Variants in PTPN14 observed in about 807,000 individuals in gnomAD.
PTPN14 encodes the protein protein tyrosine phosphatase non-receptor type 14.
In PTPN14, 53 loss-of-function variants were observed where a neutral mutation model predicts 126.8. That is an observed-to-expected ratio of 0.42 (90% CI 0.34 to 0.53). The LOEUF (loss-of-function observed/expected upper bound fraction) is 0.53. Ranked by LOEUF, PTPN14 falls within the 20% of genes least tolerant of loss-of-function variation. The pLI, the probability that PTPN14 is intolerant of heterozygous loss-of-function variation, is 0.08. For synonymous variants in PTPN14, 630 were observed against 599.3 expected (o/e 1.05, Z -0.75); for missense variants, 1,257 against 1,552.9 (o/e 0.81, Z 3.20).
rs1433113255 is a variant in PTPN14, at chr1:214,369,632, T to C, written c.3096A>G (p.Ser1032=). The change falls in exon 17 of 19, where the codon TCA becomes TCG. Residue 1032 remains serine (S), a synonymous_variant. Transcript: ENST00000366956. ...TGACCTTGAACTTGCCATAGGTGGC[T>C]GAGCTGTGCTTTGAACCTAGTTTGG... The part of the protein sequence containing the change: ...YWPKLGSKHS[S]ATYGKFKVTT... 1.9e-6 allele frequency: 3 copies of C among 1,614,232 alleles called. No homozygotes were observed. In the East Asian group the frequency reaches 6.7e-5, roughly 36 times the overall value.
rs538397312 is a variant in PTPN14 at position 214,479,268 on chromosome 1, G to A, written c.-154-14311C>T. The stretch of plus-strand genomic sequence containing the variant: ...AGGCTGAGGCAGGAGGATTGCTTGA[G>A]CCTAGGAGTTCAAGGCTGCAGTGAG... On this transcript the variant is annotated intron_variant, in intron 1 of 18. Transcript: ENST00000366956. Among the ~76,000 whole-genome samples the A allele has an allele frequency of 6.0e-4, 92 of 152,176 alleles. 1 individual carries two copies. Among genetic ancestry groups the A allele is most frequent in the East Asian group, 1.9e-3 (10 of 5,182 alleles).
intron 7 of PTPN14, among the ~76,000 whole-genome samples, chr1:214,401,256 T>C (rs1659009053): frequency 1.3e-5 from 2 of 152,290 alleles, no homozygotes; most frequent in South Asian, 2.1e-4. Flanking sequence ...TAAAGCATGA[T>C]TGTATACAAG....
chr1:214,360,352 T>C (rs1346838441), intron 18 of PTPN14, among the ~76,000 whole-genome samples: 2 of 151,964 alleles, frequency 1.3e-5, no homozygotes, highest in Non-Finnish European at 2.9e-5. Flanking sequence ...ATCACAGTGG[T>C]GCAAAGGGAC....
At chr1:214,451,009 T>C (rs180926052) in intron 3 of PTPN14, among the ~76,000 whole-genome samples, 133 of 152,348 alleles carry the variant, frequency 8.7e-4, no homozygotes, top group African/African-American at 3.2e-3. Context: ...TCAAAACTCC[T>C]GCTCTCGCAA....
chr1:214,456,880 CT>C (rs1660395149), intron 2 of PTPN14, among the ~76,000 whole-genome samples: 1 of 152,188 alleles, frequency 6.6e-6, no homozygotes, highest in Non-Finnish European at 1.5e-5. Flanking sequence ...CCCCAGCAGT[CT>C]ACTCTTCAGT....
intron 3 of PTPN14, among the ~76,000 whole-genome samples, chr1:214,437,487 A>G (rs535788164): frequency 6.6e-6 from 1 of 152,180 alleles, no homozygotes; most frequent in Non-Finnish European, 1.5e-5. Flanking sequence ...ATAGTATTTA[A>G]TATATCCCCT....
chr1:214,367,104 G>A (rs1658100007), intron 17 of PTPN14, among the ~76,000 whole-genome samples: 1 of 152,100 alleles, frequency 6.6e-6, no homozygotes, highest in Non-Finnish European at 1.5e-5. Flanking sequence ...CATCAGAGCT[G>A]TTAGCCAATC....
Position 214,411,708 on chromosome 1 carries a change from G to T in PTPN14, c.486C>A (p.Leu162=). 6.6e-7 allele frequency: 1 copy of T among 1,511,854 alleles called. No individual in the cohort carries two copies. The highest frequency in any genetic ancestry group is 2.3e-5 in the East Asian group (1 of 43,236). The allele number at this position is 1,511,854 out of a possible 1,614,324, so 93.7% of individuals were successfully genotyped here. A position where few individuals can be genotyped will look rare whatever the true frequency, so the allele number is the denominator to read the frequency against. Residue 162 remains leucine, a synonymous_variant, in exon 5 of 19, where the codon CTC becomes CTA. Coordinates refer to ENST00000366956, the MANE Select transcript of PTPN14 (RefSeq NM_005401.5). ...CCATAGGAAATAGCACATACTCTCT[G>T]AGGAAATCTTGAGAATCAAACTGAT... ...DYNQFDSQDF[L]REYVLFPMDL...
intron 1 of PTPN14, chr1:214,482,833 C>T: frequency 1.9e-6 from 3 of 1,607,828 alleles, no homozygotes; most frequent in Non-Finnish European, 2.6e-6. Context: ...AGGTTTGGCA[C>T]TTTTATACTG....
rs541867431 is a variant in PTPN14 at position 214,380,784 on chromosome 1, G to C, written c.2544+2527C>G. Reference sequence around the variant, plus strand: ...AGAGCAGAGAAGTATCTGACCTGTGGGGATGTTGCTTAGGCTATGGGGTGA... The same window carrying C: ...AGAGCAGAGAAGTATCTGACCTGTGCGGATGTTGCTTAGGCTATGGGGTGA... On this transcript the variant is annotated intron_variant, in intron 13 of 18. Transcript: ENST00000366956. Among the ~76,000 whole-genome samples the C allele has an allele frequency of 5.1e-4, 77 of 152,310 alleles. 3 individuals are homozygous for C. In the South Asian group the frequency reaches 0.016, roughly 31 times the overall value.
chr1:214,537,015 T>G (rs370073814), intron 1 of PTPN14, among the ~76,000 whole-genome samples: 3 of 152,212 alleles, frequency 2.0e-5, no homozygotes, highest in East Asian at 3.8e-4. Context: ...AATCTGTACT[T>G]GCTATGAAAT....
At chr1:214,528,408 T>C (rs1655455387) in intron 1 of PTPN14, 1 of 152,196 alleles carries the variant, frequency 6.6e-6, no homozygotes, top group Non-Finnish European at 1.5e-5. Context: ...ATTCTAAGTA[T>C]ATTAAGAATA....
At position 214,412,228 on chromosome 1, in the gene PTPN14, CAT is replaced by C. The variant is rs371434596; in HGVS notation, c.443-479_443-478del. Among the ~76,000 whole-genome samples the C allele has an allele frequency of 2.0e-3, 302 of 152,306 alleles. 3 individuals are homozygous for C. In the South Asian group the frequency reaches 0.026, roughly 13 times the overall value. ...TCTTTACACCTTCTAAATAACTTCACATGTTACAAGATGCCAAAAATTCTGTT... is the reference window on the plus strand; with the variant it reads ...TCTTTACACCTTCTAAATAACTTCACGTTACAAGATGCCAAAAATTCTGTT... On this transcript the variant is annotated intron_variant, in intron 4 of 18. Transcript: ENST00000366956.
Position 214,357,659 on chromosome 1 carries a change from G to T in PTPN14, c.*263C>A, listed in dbSNP as rs1000837629. On this transcript the variant is annotated 3_prime_UTR_variant, in exon 19 of 19. Transcript: ENST00000366956. ...ATATATTACAATACAGATCAGTCAAGATGTGGTTCAAATGAAAAGTACTAT... is the reference window on the plus strand; with the variant it reads ...ATATATTACAATACAGATCAGTCAATATGTGGTTCAAATGAAAAGTACTAT... The T allele has an allele frequency of 3.4e-6, 1 of 289,858 alleles. No individual in the cohort carries two copies. The highest frequency in any genetic ancestry group is 2.2e-5 in the African/African-American group (1 of 46,502). 18.0% of individuals were successfully genotyped at this position (289,858 alleles called of 1,614,324 possible).
At chr1:214,526,182 T>G (rs1054159292) in intron 1 of PTPN14, among the ~76,000 whole-genome samples, 2 of 151,972 alleles carry the variant, frequency 1.3e-5, no homozygotes, top group African/African-American at 4.8e-5. Context: ...GCCAGGCTGG[T>G]CTCGAACTCC....
intron 8 of PTPN14, among the ~76,000 whole-genome samples, chr1:214,396,793 C>G (rs549966922): frequency 6.6e-6 from 1 of 152,192 alleles, no homozygotes; most frequent in African/African-American, 2.4e-5. Context: ...TAGGTTCAAA[C>G]AGAAACTGAA....
At chr1:214,370,486 T>C (rs913810789) in intron 16 of PTPN14, among the ~76,000 whole-genome samples, 1 of 152,050 alleles carries the variant, frequency 6.6e-6, no homozygotes, top group African/African-American at 2.4e-5. Flanking sequence ...TAGGTCACGT[T>C]ACTCCTTTCG....
At chr1:214,486,239 A>G (rs1225490988) in intron 1 of PTPN14, among the ~76,000 whole-genome samples, 4 of 152,310 alleles carry the variant, frequency 2.6e-5, no homozygotes, top group Admixed American at 2.6e-4. Flanking sequence ...AACTGTACAT[A>G]TGTTATCTCT....
intron 1 of PTPN14, among the ~76,000 whole-genome samples, chr1:214,490,880 GAGGGAAGGGGAGGGGAGGGA>G (rs1661219995): frequency 6.0e-5 from 1 of 16,598 alleles, no homozygotes; most frequent in Non-Finnish European, 1.3e-4. Flanking sequence ...GAGGGGAGGG[GAGGGAAGGGGAGGGGAGGGA>G]AGGGGAAGGA....
Sources: allele counts gnomAD v4.1 joint callset (sites outside exome capture counted in the v4.1 genomes callset), GRCh38; gene constraint gnomAD v4.1.1; transcripts MANE v1.5; gene names NCBI Gene and HGNC (gene_info 2026-07-23, HGNC 2026-07-21).